The following PPP4R1 variants were observed in gnomAD, a reference collection of about 807,000 sequenced individuals.
PPP4R1 encodes serine/threonine-protein phosphatase 4 regulatory subunit 1.
A neutral mutation model predicts 111.2 loss-of-function variants in PPP4R1; 42 were observed. The observed-to-expected ratio is 0.38, with a 90% CI of 0.29 to 0.49. The LOEUF is 0.49. PPP4R1 is among the 20% of genes least tolerant of loss of function. PPP4R1 has a pLI of 0.97. For missense variants in PPP4R1, 1,012 were observed against 1,161.6 expected, an observed-to-expected ratio of 0.87 and a Z score of 1.87; for synonymous variants, 409 against 405.5, an observed-to-expected ratio of 1.01 and a Z score of -0.10.
At chr18:9,559,146 C>G (rs910362133) in intron 14 of PPP4R1, among the ~76,000 whole-genome samples, 1 of 152,072 alleles carries the variant, frequency 6.6e-6, no homozygotes, top group African/African-American at 2.4e-5. Context: ...CATATAAACT[C>G]TAGATAATAA....
intron 2 of PPP4R1, among the ~76,000 whole-genome samples, chr18:9,598,003 C>T (rs2067317307): frequency 6.6e-6 from 1 of 151,624 alleles, no homozygotes; most frequent in Non-Finnish European, 1.5e-5. Flanking sequence ...TACGAAAGAC[C>T]TAAATTGATC....
chr18:9,557,301 C>G lies in PPP4R1; in HGVS notation c.2110G>C (p.Val704Leu), dbSNP rs184708932. 9.8e-5 allele frequency: 158 copies of G among 1,613,034 alleles called. No homozygotes were observed. In the Middle Eastern group the frequency reaches 9.9e-4, roughly 10 times the overall value. ...TTTAAAAATCCATTAAAAATTGGAA[C>G]CAGATCTGCAGCTGTCAATTGATCT... ...LGDQLTAADL[V>L]PIFNGFLKDL... The change falls in exon 15 of 20, where the codon GTT (valine) becomes CTT (leucine). Residue 704 changes from valine to leucine, a missense_variant. Physicochemically the swap from Val to Leu is conservative, Grantham distance 32. Transcript: ENST00000400556.
At chr18:9,611,954 T>A (rs1247803103) in intron 2 of PPP4R1, among the ~76,000 whole-genome samples, 1 of 151,530 alleles carries the variant, frequency 6.6e-6, no homozygotes. Flanking sequence ...GAGGTTGCGG[T>A]GAGCCGAGAT....
chr18:9,562,612 T>G (rs1333006497), intron 12 of PPP4R1, among the ~76,000 whole-genome samples: 4 of 152,162 alleles, frequency 2.6e-5, no homozygotes, highest in African/African-American at 7.2e-5. Context: ...TTATACAGAT[T>G]TCTAACTATA....
rs1355067050 is a variant in PPP4R1, at chr18:9,570,027, G to C, written c.1573+130C>G. On this transcript the variant is annotated intron_variant, in intron 11 of 19. Coordinates refer to ENST00000400556, the MANE Select transcript of PPP4R1 (RefSeq NM_001042388.3). Reference sequence around the variant, plus strand: ...AACCTCTCAAAGTGCTGGTATTATAGGTATGAGTCACTGTGCCCAGTCCAT... The same window carrying C: ...AACCTCTCAAAGTGCTGGTATTATACGTATGAGTCACTGTGCCCAGTCCAT... The C allele has an allele frequency of 1.3e-5, 13 of 969,124 alleles. No homozygotes were observed. The East Asian group carries it at 3.3e-4, about 25-fold the overall frequency. The allele number at this position is 969,124 out of a possible 1,614,324, so 60.0% of individuals were successfully genotyped here.
chr18:9,579,857 G>A (rs958215966), intron 9 of PPP4R1, among the ~76,000 whole-genome samples: 1 of 152,134 alleles, frequency 6.6e-6, no homozygotes, highest in African/African-American at 2.4e-5. Context: ...AGAGACTTCT[G>A]AGTATCCTCA....
Position 9,547,961 on chromosome 18 carries a change from GAC to G in PPP4R1, c.2690-11_2690-10del. 1 of 1,613,532 alleles carries G rather than the reference GAC, an allele frequency of 6.2e-7. No individual in the cohort carries two copies. The highest frequency in any genetic ancestry group is 8.5e-7 in the Non-Finnish European group (1 of 1,179,934). On this transcript the variant is annotated splice_polypyrimidine_tract_variant and intron_variant, in intron 19 of 19. Coordinates refer to ENST00000400556, the MANE Select transcript of PPP4R1 (RefSeq NM_001042388.3). ...AGAGGCCAAGAAATAGTCTGGAAATGACATGTGCATAGGACAGATGAAACCAG... is the reference window on the plus strand; with the variant it reads ...AGAGGCCAAGAAATAGTCTGGAAATGATGTGCATAGGACAGATGAAACCAG...
At chr18:9,582,728 TAC>T (rs1429680748) in intron 9 of PPP4R1, among the ~76,000 whole-genome samples, 1 of 152,180 alleles carries the variant, frequency 6.6e-6, no homozygotes, top group Non-Finnish European at 1.5e-5. Flanking sequence ...ATAAGAAAAC[TAC>T]AGACTATTAT....
At chr18:9,574,064 T>TA (rs973995646) in intron 10 of PPP4R1, among the ~76,000 whole-genome samples, 2 of 152,220 alleles carry the variant, frequency 1.3e-5, no homozygotes, top group African/African-American at 2.4e-5. Flanking sequence ...TGTTCAATGC[T>TA]AAAATTCTGA....
chr18:9,598,598 A>T (rs2067328750), intron 2 of PPP4R1, among the ~76,000 whole-genome samples: 1 of 152,086 alleles, frequency 6.6e-6, no homozygotes, highest in Non-Finnish European at 1.5e-5. Flanking sequence ...GATTTTTTTC[A>T]GCCACACAAA....
chr18:9,584,784 C>T lies in PPP4R1; in HGVS notation c.630G>A (p.Glu210=). 2.5e-6 allele frequency: 4 copies of T among 1,613,600 alleles called. No individual in the cohort carries two copies. Among genetic ancestry groups the T allele is most frequent in the Non-Finnish European group, 3.4e-6 (4 of 1,179,650 alleles). Residue 210 remains glutamate (E), a synonymous_variant, in exon 7 of 20, where the codon GAG becomes GAA. Transcript: ENST00000400556. ...MAPMVGKDIT[E]RLILPRFCEM... is the part of the protein sequence containing the mutation. ...CACAAAACCTAGGGAGGATAAGACG[C>T]TCTGTAATATCCTTCCCAACCATGG...
chr18:9,579,243 G>C (rs115484789), intron 9 of PPP4R1, among the ~76,000 whole-genome samples: 206 of 152,142 alleles, frequency 1.4e-3, no homozygotes, highest in African/African-American at 4.8e-3. Context: ...AAAATAAAGT[G>C]ATTTTAAGCT....
chr18:9,614,583 G>A (rs2067657993), upstream of PPP4R1: 11 of 774,224 alleles, frequency 1.4e-5, no homozygotes, highest in Non-Finnish European at 1.7e-5. This position sits in a 1 kb window ranked among gnomAD's most constrained non-coding sequence, Gnocchi z 4.1. Flanking sequence ...AGGGGCGGCG[G>A]GGAGGAGGAG....
intron 15 of PPP4R1, among the ~76,000 whole-genome samples, chr18:9,553,666 C>G (rs1433671035): frequency 6.6e-6 from 1 of 152,204 alleles, no homozygotes; most frequent in Non-Finnish European, 1.5e-5. Context: ...ATGAGCCACG[C>G]TAAACCCCAC....
intron 10 of PPP4R1, among the ~76,000 whole-genome samples, chr18:9,573,920 G>C (rs890300850): frequency 1.3e-5 from 2 of 152,146 alleles, no homozygotes; most frequent in African/African-American, 2.4e-5. Flanking sequence ...GAAACTAGAA[G>C]ACAAAGTTTC....
chr18:9,595,176 T>C, intron 2 of PPP4R1, 23 bp from the exon 3 acceptor site: 1 of 1,608,972 alleles, frequency 6.2e-7, no homozygotes, highest in Non-Finnish European at 8.5e-7. Context: ...TCAGAAATAC[T>C]CCTTATAACA....
At chr18:9,553,947 CAG>C (rs2066528251) in intron 15 of PPP4R1, among the ~76,000 whole-genome samples, 1 of 152,150 alleles carries the variant, frequency 6.6e-6, no homozygotes, top group Non-Finnish European at 1.5e-5. Flanking sequence ...AACAATCACA[CAG>C]GGAAAAAAGC....
chr18:9,612,325 C>T (rs1244644473), intron 2 of PPP4R1: 1 of 152,238 alleles, frequency 6.6e-6, no homozygotes, highest in Non-Finnish European at 1.5e-5. Context: ...AAAGACACTG[C>T]TAAGACAAAC....
intron 9 of PPP4R1, among the ~76,000 whole-genome samples, chr18:9,581,991 A>C (rs981096789): frequency 7.2e-5 from 11 of 152,142 alleles, no homozygotes; most frequent in African/African-American, 2.4e-4. Flanking sequence ...ATTCACAGAT[A>C]AATGAAAACA....
Sources: gnomAD v4.1 joint callset for allele counts (sites outside exome capture counted in the v4.1 genomes callset) on GRCh38, gnomAD v4.1.1 for gene constraint, Gnocchi (gnomAD v3.1) non-coding constraint, MANE v1.5 for transcripts, NCBI Gene and HGNC (gene_info 2026-07-23, HGNC 2026-07-21) for gene names.